The following CC2D2A variants were observed in gnomAD, a reference collection of about 807,000 sequenced individuals.
The protein encoded by CC2D2A is coiled-coil and C2 domain-containing protein 2A.
In CC2D2A, 155 loss-of-function variants were observed where a neutral mutation model predicts 212.9. That is an observed-to-expected ratio of 0.73 (90% CI 0.64 to 0.83). CC2D2A has a LOEUF of 0.83. Among genes scored for constraint, CC2D2A ranks in the 40% least tolerant of loss-of-function variants. The pLI is 0.00. For missense variants in CC2D2A, 1,856 were observed against 1,956.2 expected (o/e 0.95, Z 0.97); for synonymous variants, 667 against 686.5 (o/e 0.97, Z 0.44).
chr4:15,528,326 G>C (rs939235617), intron 12 of CC2D2A, among the ~76,000 whole-genome samples: 3 of 152,122 alleles, frequency 2.0e-5, no homozygotes, highest in African/African-American at 7.2e-5. Flanking sequence ...AGAAAACTTG[G>C]TTCTAAGATA....
At chr4:15,600,658 T>C (rs1427468964) in intron 36 of CC2D2A, among the ~76,000 whole-genome samples, 2 of 152,028 alleles carry the variant, frequency 1.3e-5, no homozygotes, top group Non-Finnish European at 1.5e-5. Flanking sequence ...ACCCCAGCAC[T>C]TTGGGAGGCT....
Position 15,587,853 on chromosome 4 carries a change from A to T in CC2D2A, c.4103A>T (p.His1368Leu). ...LDLLAGDEEE[H>L]AVLLCNYFLS... Reference sequence around the variant, plus strand: ...CTCCTGGCAGGGGATGAAGAAGAACATGCAGTACTATTGTGTAATTACTTT... The same window carrying T: ...CTCCTGGCAGGGGATGAAGAAGAACTTGCAGTACTATTGTGTAATTACTTT... The change falls in exon 32 of 37, where the codon CAT (histidine) becomes CTT (leucine). Residue 1368 changes from histidine to leucine, a missense_variant. His to Leu is a moderately conservative substitution (Grantham distance 99). Coordinates refer to ENST00000424120, the MANE Select transcript of CC2D2A (RefSeq NM_001378615.1). 6.2e-7 allele frequency: 1 copy of T among 1,613,478 alleles called. No individual in the cohort carries two copies.
chr4:15,526,839 A>AAG (rs1717536185), intron 11 of CC2D2A, among the ~76,000 whole-genome samples: 1 of 152,204 alleles, frequency 6.6e-6, no homozygotes, highest in African/African-American at 2.4e-5. Context: ...CAAACGATCC[A>AAG]AGACATTCCT....
intron 9 of CC2D2A, among the ~76,000 whole-genome samples, chr4:15,515,624 T>G (rs1343060327): frequency 6.6e-6 from 1 of 152,218 alleles, no homozygotes; most frequent in Non-Finnish European, 1.5e-5. Context: ...TTCTTCTCAG[T>G]ATGCCACACT....
chr4:15,546,902 A>G (rs1489033457), intron 17 of CC2D2A, among the ~76,000 whole-genome samples: 1 of 152,170 alleles, frequency 6.6e-6, no homozygotes, highest in Non-Finnish European at 1.5e-5. Context: ...AAACTGGGAA[A>G]TCTCTAGGAA....
Position 15,478,640 on chromosome 4 carries a change from A to G in CC2D2A, c.40-83A>G. 3 of 998,300 alleles carry G rather than the reference A, an allele frequency of 3.0e-6. 1 individual carries two copies. In the South Asian group the frequency reaches 4.9e-5, roughly 16 times the overall value. 61.8% of individuals were successfully genotyped at this position (998,300 alleles called of 1,614,324 possible). On this transcript the variant is annotated intron_variant, in intron 2 of 36. Transcript: ENST00000424120. ...ATTACTGGATAGAAGCCCAGGGTCA[A>G]GATGGGAGTTTTAATTTTAATACCT... is the stretch of plus-strand genomic sequence containing the variant.
chr4:15,487,790 A>T lies in CC2D2A; in HGVS notation c.247+6963A>T, dbSNP rs199778671. On this transcript the variant is annotated intron_variant, in intron 4 of 36. Coordinates refer to ENST00000424120, the MANE Select transcript of CC2D2A (RefSeq NM_001378615.1). Reference sequence around the variant, plus strand: ...GATTTTCTCCAGTAGTATGTTAAAAAAATTTTTTTTTTTGTACCTGTCATA... The same window carrying T: ...GATTTTCTCCAGTAGTATGTTAAAATAATTTTTTTTTTTGTACCTGTCATA... 4.2e-3 allele frequency among the ~76,000 whole-genome samples: 109 copies of T among 26,204 alleles called. 1 individual carries two copies. Among genetic ancestry groups the T allele is most frequent in the African/African-American group, 6.4e-3 (33 of 5,166 alleles). The allele number at this position is 26,204 out of a possible 152,430, so 17.2% of individuals were successfully genotyped here. A position where few individuals can be genotyped will look rare whatever the true frequency, so the allele number is the denominator to read the frequency against.
At chr4:15,520,211 A>G (rs1717126168) in intron 11 of CC2D2A, among the ~76,000 whole-genome samples, 1 of 152,130 alleles carries the variant, frequency 6.6e-6, no homozygotes. Context: ...TATGAGTATG[A>G]CCTTTTTAAA....
rs762298895 is a variant in CC2D2A, at chr4:15,538,086, T to A, written c.1952T>A (p.Val651Asp). The change falls in exon 16 of 37, where the codon GTC (valine) becomes GAC (aspartate). Residue 651 changes from valine to aspartate, a missense_variant. By Grantham distance (152) the Val-to-Asp change is radical. Coordinates refer to ENST00000424120, the MANE Select transcript of CC2D2A (RefSeq NM_001378615.1). ...AGGAGGCCTTGGGAGCCCACGCTGG[T>A]CCCGGAGCTAAGCCTGGCAGGAAGC... is the stretch of plus-strand genomic sequence containing the variant. ...SRRRPWEPTLVPELSLAGSVT... is the reference protein window; with the variant it reads ...SRRRPWEPTLDPELSLAGSVT... 3.6e-5 allele frequency: 57 copies of A among 1,604,906 alleles called. No homozygotes were observed. Among genetic ancestry groups the A allele is most frequent in the Non-Finnish European group, 4.6e-5 (54 of 1,175,798 alleles).
intron 4 of CC2D2A, among the ~76,000 whole-genome samples, chr4:15,496,996 A>G (rs1288527320): frequency 6.6e-6 from 1 of 152,212 alleles, no homozygotes; most frequent in Non-Finnish European, 1.5e-5. Context: ...GCTCAAGGCA[A>G]TTTAAGATTC....
At chr4:15,548,201 A>G (rs1041472251) in intron 17 of CC2D2A, among the ~76,000 whole-genome samples, 2 of 151,248 alleles carry the variant, frequency 1.3e-5, no homozygotes, top group Non-Finnish European at 2.9e-5. Context: ...CTGAGACAGT[A>G]ACACCAACTA....
chr4:15,540,793 G>T (rs1259710391), intron 16 of CC2D2A, 44 bp from the exon 17 acceptor site: 3 of 1,543,930 alleles, frequency 1.9e-6, no homozygotes, highest in Non-Finnish European at 2.6e-6. Context: ...GGTGATCTTA[G>T]TAAATTATTA....
intron 4 of CC2D2A, among the ~76,000 whole-genome samples, chr4:15,497,204 CA>C (rs1715669780): frequency 6.6e-6 from 1 of 152,158 alleles, no homozygotes; most frequent in Non-Finnish European, 1.5e-5. Flanking sequence ...GGTACAGGTA[CA>C]AAAACAGGCA....
chr4:15,538,206 C>T (rs985598654), intron 16 of CC2D2A, 69 bp downstream of exon 16: 5 of 1,437,234 alleles, frequency 3.5e-6, no homozygotes, highest in Non-Finnish European at 4.6e-6. Context: ...CACATGCACA[C>T]ACACATGCAC....
chr4:15,515,961 C>G lies in CC2D2A; in HGVS notation c.974C>G (p.Thr325Ser). ...GGGGTAAGACCAGAGGTGGCACGCACCAATCAGAACATCATGGAGAACAGA... is the reference window on the plus strand; with the variant it reads ...GGGGTAAGACCAGAGGTGGCACGCAGCAATCAGAACATCATGGAGAACAGA... ...YTGVRPEVAR[T>S]NQNIMENRLL... The change falls in exon 10 of 37, where the codon ACC (threonine) becomes AGC (serine). Residue 325 changes from threonine to serine, a missense_variant. By Grantham distance (58) the Thr-to-Ser change is moderately conservative. Transcript: ENST00000424120. 6.3e-7 allele frequency: 1 copy of G among 1,583,196 alleles called. No homozygotes were observed. Among genetic ancestry groups the G allele is most frequent in the Non-Finnish European group, 8.6e-7 (1 of 1,164,342 alleles).
intron 15 of CC2D2A, among the ~76,000 whole-genome samples, chr4:15,537,349 T>C (rs1718188693): frequency 6.6e-6 from 1 of 152,230 alleles, no homozygotes; most frequent in South Asian, 2.1e-4. Context: ...TAAGTAATAA[T>C]GTAGTAATCA....
intron 18 of CC2D2A, among the ~76,000 whole-genome samples, chr4:15,551,691 T>C (rs1300710473): frequency 6.6e-6 from 1 of 152,192 alleles, no homozygotes; most frequent in African/African-American, 2.4e-5. Flanking sequence ...TCTCAATCAT[T>C]TCTTTTATAC....
chr4:15,600,511 A>T (rs900667346), intron 36 of CC2D2A, among the ~76,000 whole-genome samples: 2 of 152,200 alleles, frequency 1.3e-5, no homozygotes, highest in Non-Finnish European at 1.5e-5. Flanking sequence ...GCAGGAGAAC[A>T]TCACGTGCCA....
At chr4:15,493,024 T>A in intron 4 of CC2D2A, 1 of 396,432 alleles carries the variant, frequency 2.5e-6, no homozygotes, top group Non-Finnish European at 4.8e-6. Flanking sequence ...TCCCCTTACT[T>A]CTATGACCTA....
Sources: allele counts gnomAD v4.1 joint callset (sites outside exome capture counted in the v4.1 genomes callset), GRCh38; gene constraint gnomAD v4.1.1; transcripts MANE v1.5; gene names NCBI Gene and HGNC (gene_info 2026-07-23, HGNC 2026-07-21).